The following SPRR2B variants were observed in gnomAD, a reference collection of about 807,000 sequenced individuals.
SPRR2B encodes the protein small proline rich protein 2B.
A neutral mutation model predicts 1.0 loss-of-function variants in SPRR2B; 1 was observed. That is an observed-to-expected ratio of 1.01 (90% CI 0.36 to 4.77). The LOEUF is 4.77. Ranked by LOEUF, SPRR2B falls within the 30% of genes most tolerant of loss-of-function variation. The pLI is 0.16. For synonymous variants in SPRR2B, 27 were observed against 33.4 expected, an observed-to-expected ratio of 0.81 and a Z score of 0.66; for missense variants, 53 against 88.7, an observed-to-expected ratio of 0.60 and a Z score of 1.62.
the SPRR2B span, among the ~76,000 whole-genome samples, chr1:153,084,214 A>C: frequency 1.3e-5 from 2 of 152,130 alleles, no homozygotes; most frequent in Non-Finnish European, 2.9e-5. Flanking sequence ...GCAACACCCC[A>C]TATCACTTTG....
At chr1:153,081,031 A>G in the SPRR2B span, among the ~76,000 whole-genome samples, 3 of 152,244 alleles carry the variant, frequency 2.0e-5, no homozygotes, top group African/African-American at 7.2e-5. Context: ...AAGAGAAGTC[A>G]GTCTCAAAGG....
chr1:153,073,127 G>C (rs1323491264), upstream of SPRR2B, among the ~76,000 whole-genome samples: 4 of 152,300 alleles, frequency 2.6e-5, no homozygotes, highest in East Asian at 7.7e-4. Flanking sequence ...ATCTGCAATT[G>C]CTCCAGTCTC....
At chr1:153,075,244 G>A (rs1169644357), upstream of SPRR2B, among the ~76,000 whole-genome samples, 1 of 152,112 alleles carries the variant, frequency 6.6e-6, no homozygotes. Flanking sequence ...TCGGGAGGCT[G>A]AGGCACAGAA....
At chr1:153,081,827 T>TTTC in the SPRR2B span, among the ~76,000 whole-genome samples, 66 of 51,646 alleles carry the variant, frequency 1.3e-3, no homozygotes, top group Middle Eastern at 8.5e-3. Context: ...TTTCTTTTCT[T>TTTC]TTTTTTTTTT....
chr1:153,077,725 C>T, the SPRR2B span, among the ~76,000 whole-genome samples: 552 of 151,830 alleles, frequency 3.6e-3, 1 homozygote, highest in Non-Finnish European at 6.1e-3. Context: ...AAGCTATTAT[C>T]TTGCCTCAGC....
At chr1:153,081,305 G>C in the SPRR2B span, among the ~76,000 whole-genome samples, 1 of 152,182 alleles carries the variant, frequency 6.6e-6, no homozygotes, top group Non-Finnish European at 1.5e-5. Context: ...GCAGCAAGAG[G>C]AAAATGAATC....
the SPRR2B span, among the ~76,000 whole-genome samples, chr1:153,082,306 G>A: frequency 6.6e-6 from 1 of 151,954 alleles, no homozygotes; most frequent in Non-Finnish European, 1.5e-5. Context: ...TACTTTAAAT[G>A]CAAATGAATT....
upstream of SPRR2B, among the ~76,000 whole-genome samples, chr1:153,072,999 A>T (rs1654702206): frequency 6.6e-6 from 1 of 152,214 alleles, no homozygotes; most frequent in Non-Finnish European, 1.5e-5. Context: ...ATAAGAAAAA[A>T]AGAGGAAGAG....
At chr1:153,081,825 C>CTTTTTTTTTTT in the SPRR2B span, among the ~76,000 whole-genome samples, 1 of 137,002 alleles carries the variant, frequency 7.3e-6, no homozygotes, top group Non-Finnish European at 1.6e-5. Context: ...CTTTTCTTTT[C>CTTTTTTTTTTT]TTTTTTTTTT....
At position 153,070,368 on chromosome 1, in the gene SPRR2B, T is replaced by C. The variant is rs1028845058; in HGVS notation, c.*253A>G. The C allele has an allele frequency of 4.7e-5, 30 of 644,448 alleles. No homozygotes were observed. Among genetic ancestry groups the C allele is most frequent in the Non-Finnish European group, 7.7e-5 (30 of 390,310 alleles). The allele number at this position is 644,448 out of a possible 1,614,324, so 39.9% of individuals were successfully genotyped here. A position where few individuals can be genotyped will look rare whatever the true frequency, so the allele number is the denominator to read the frequency against. On this transcript the variant is annotated 3_prime_UTR_variant, in exon 2 of 2. Coordinates refer to ENST00000368755, the MANE Select transcript of SPRR2B (RefSeq NM_001388198.1). ...TTCCCAGGCACACAGCTGCAGCTCT[T>C]TCTGCTGAAGCTCTGGGAACTGACA...
the SPRR2B span, among the ~76,000 whole-genome samples, chr1:153,083,047 A>G: frequency 6.6e-6 from 1 of 152,220 alleles, no homozygotes; most frequent in Admixed American, 6.5e-5. Flanking sequence ...AGAAATAAAA[A>G]AATTTGAAGA....
upstream of SPRR2B, among the ~76,000 whole-genome samples, chr1:153,073,007 G>C (rs1500937): frequency 0.31 from 46,988 of 152,082 alleles, 9,309 homozygotes; most frequent in Non-Finnish European, 0.45. Flanking sequence ...AAAAGAGGAA[G>C]AGGAGTGACT....
chr1:153,077,790 T>G, the SPRR2B span, among the ~76,000 whole-genome samples: 1 of 152,174 alleles, frequency 6.6e-6, no homozygotes, highest in African/African-American at 2.4e-5. Flanking sequence ...AATTTTTGTA[T>G]TTTTAATAGA....
chr1:153,070,289 C>G lies in SPRR2B; in HGVS notation c.*332G>C. On this transcript the variant is annotated 3_prime_UTR_variant, in exon 2 of 2. Transcript: ENST00000368755. ...GTGACAATTGCACAGGTGGTAGAAGCTCATGCCCAGGTGAAAGACAGACAC... is the reference window on the plus strand; with the variant it reads ...GTGACAATTGCACAGGTGGTAGAAGGTCATGCCCAGGTGAAAGACAGACAC... 2.1e-6 allele frequency: 1 copy of G among 472,764 alleles called. No homozygotes were observed. Among genetic ancestry groups the G allele is most frequent in the Non-Finnish European group, 3.7e-6 (1 of 270,948 alleles). The allele number at this position is 472,764 out of a possible 1,614,324, so 29.3% of individuals were successfully genotyped here.
At chr1:153,079,984 T>C in the SPRR2B span, among the ~76,000 whole-genome samples, 2 of 152,318 alleles carry the variant, frequency 1.3e-5, no homozygotes. Flanking sequence ...ATATTGATTC[T>C]TCCTATCCAT....
the SPRR2B span, among the ~76,000 whole-genome samples, chr1:153,079,948 C>A: frequency 6.6e-6 from 1 of 152,120 alleles, no homozygotes; most frequent in Non-Finnish European, 1.5e-5. Context: ...CTATAAATTA[C>A]TTTGGGCAGT....
chr1:153,081,905 C>T, the SPRR2B span, among the ~76,000 whole-genome samples: 26 of 151,666 alleles, frequency 1.7e-4, no homozygotes. Flanking sequence ...TCACTGCAAC[C>T]TCCGCCTCTG....
chr1:153,083,649 C>T, the SPRR2B span, among the ~76,000 whole-genome samples: 1 of 152,158 alleles, frequency 6.6e-6, no homozygotes, highest in African/African-American at 2.4e-5. Flanking sequence ...CACCAGAACT[C>T]GTTCCTGGCC....
At chr1:153,082,585 A>T in the SPRR2B span, among the ~76,000 whole-genome samples, 2 of 152,186 alleles carry the variant, frequency 1.3e-5, no homozygotes, top group African/African-American at 4.8e-5. Flanking sequence ...AATTTGTGGA[A>T]ATTAAACAAC....
Sources: allele counts gnomAD v4.1 joint callset (sites outside exome capture counted in the v4.1 genomes callset), GRCh38; gene constraint gnomAD v4.1.1; transcripts MANE v1.5; gene names NCBI Gene and HGNC (gene_info 2026-07-23, HGNC 2026-07-21).